The following NCAM2 variants were observed in gnomAD, a reference collection of about 807,000 sequenced individuals.
NCAM2 encodes the protein neural cell adhesion molecule 2.
A neutral mutation model predicts 98.1 loss-of-function variants in NCAM2; 30 were observed. That is an observed-to-expected ratio of 0.31 (90% CI 0.23 to 0.41). The LOEUF is 0.41. Among genes scored for constraint, NCAM2 ranks in the 10% least tolerant of loss-of-function variants. NCAM2 has a pLI of 1.00. For synonymous variants in NCAM2, 368 were observed against 342.4 expected (o/e 1.07, Z -0.83); for missense variants, 867 against 1,005.8 (o/e 0.86, Z 1.87).
Position 21,203,881 on chromosome 21 carries a change from A to G in NCAM2, c.56-76697A>G, listed in dbSNP as rs569559510. On this transcript the variant is annotated intron_variant, in intron 1 of 17. Transcript: ENST00000400546. ...TATTTATAACTTAAGTTTATTAAGT[A>G]TTCATTTTACATGAGTTCTTCCTTT... Among the ~76,000 whole-genome samples the G allele has an allele frequency of 4.2e-4, 64 of 152,306 alleles. No homozygotes were observed. In the South Asian group the frequency reaches 0.013, roughly 32 times the overall value.
In NCAM2 at chr21:21,343,358, T is replaced by TACACACACACACAC. The variant is rs71195322; in HGVS notation, c.1044+4848_1044+4861dup. 8.2e-3 allele frequency among the ~76,000 whole-genome samples: 988 copies of TACACACACACACAC among 120,802 alleles called. 11 individuals carry two copies. Among genetic ancestry groups the TACACACACACACAC allele is most frequent in the African/African-American group, 0.027 (917 of 33,750 alleles). The allele number at this position is 120,802 out of a possible 152,430, so 79.3% of individuals were successfully genotyped here. A position where few individuals can be genotyped will look rare whatever the true frequency, so the allele number is the denominator to read the frequency against. On this transcript the variant is annotated intron_variant, in intron 8 of 17. Coordinates refer to ENST00000400546, the MANE Select transcript of NCAM2 (RefSeq NM_004540.5). ...CCAAGTTAACAACTATCTATACACA[T>TACACACACACACAC]ACACACACACACACACACACACACA...
intron 15 of NCAM2, among the ~76,000 whole-genome samples, chr21:21,498,127 G>A (rs78410010): frequency 0.049 from 7,513 of 151,962 alleles, 202 homozygotes; most frequent in Non-Finnish European, 0.062. Context: ...CATTATATAC[G>A]TATGTGAAAA....
intron 3 of NCAM2, among the ~76,000 whole-genome samples, chr21:21,285,830 G>A (rs950753284): frequency 2.6e-5 from 4 of 151,918 alleles, no homozygotes; most frequent in East Asian, 3.9e-4. Context: ...ATTACCTGGG[G>A]TAGAGAGATA....
chr21:21,256,852 A>G (rs1479819961), intron 1 of NCAM2, among the ~76,000 whole-genome samples: 5 of 152,224 alleles, frequency 3.3e-5, no homozygotes, highest in African/African-American at 1.2e-4. Context: ...CCAGTTTCAT[A>G]AAATGTTACC....
chr21:21,115,957 TTGTGTGTGTG>T (rs58824475), intron 1 of NCAM2, among the ~76,000 whole-genome samples: 83,402 of 147,164 alleles, frequency 0.57, 24,462 homozygotes, highest in East Asian at 0.82. Flanking sequence ...CTCTGAGATT[TTGTGTGTGTG>T]TGTGTGTGTG....
At chr21:21,404,283 T>G (rs1004296301) in intron 9 of NCAM2, among the ~76,000 whole-genome samples, 1 of 152,162 alleles carries the variant, frequency 6.6e-6, no homozygotes, top group Admixed American at 6.6e-5. Context: ...CAATATGGTT[T>G]GGCTGTGTCC....
At chr21:21,117,167 A>C (rs561103635) in intron 1 of NCAM2, among the ~76,000 whole-genome samples, 2 of 152,320 alleles carry the variant, frequency 1.3e-5, no homozygotes, top group East Asian at 3.9e-4. Context: ...CCCACAACTT[A>C]TTAATCTTAT....
At chr21:21,449,467 G>C (rs1484678808) in intron 12 of NCAM2, among the ~76,000 whole-genome samples, 3 of 151,864 alleles carry the variant, frequency 2.0e-5, no homozygotes, top group Non-Finnish European at 1.5e-5. Flanking sequence ...CTAGAATGTA[G>C]CTTTTAAGTC....
At chr21:21,301,377 TTTTTC>T (rs2073705690) in intron 5 of NCAM2, among the ~76,000 whole-genome samples, 1 of 59,468 alleles carries the variant, frequency 1.7e-5, no homozygotes, top group African/African-American at 5.9e-5. Context: ...GGTCTTTTTT[TTTTTC>T]TATTTTTTTT....
chr21:21,184,870 C>A (rs976154983), intron 1 of NCAM2, among the ~76,000 whole-genome samples: 4 of 152,096 alleles, frequency 2.6e-5, no homozygotes, highest in African/African-American at 7.2e-5. Context: ...CAAATACTGT[C>A]ATTTTAGCAC....
At chr21:21,492,488 G>A (rs1386627724) in intron 15 of NCAM2, among the ~76,000 whole-genome samples, 1 of 151,882 alleles carries the variant, frequency 6.6e-6, no homozygotes, top group East Asian at 1.9e-4. Flanking sequence ...ACCAAGGTAA[G>A]TAAGCACACA....
chr21:21,259,585 G>T (rs1231234027), intron 1 of NCAM2, among the ~76,000 whole-genome samples: 3 of 152,060 alleles, frequency 2.0e-5, no homozygotes, highest in Admixed American at 6.6e-5. Context: ...GCCACCTACT[G>T]AACTGGAGCC....
intron 15 of NCAM2, among the ~76,000 whole-genome samples, chr21:21,494,215 C>A (rs901665144): frequency 4.0e-5 from 6 of 151,804 alleles, no homozygotes; most frequent in African/African-American, 1.4e-4. Flanking sequence ...GAAAATTAAA[C>A]AGTTTGGACT....
chr21:21,486,291 G>A (rs1288503325), intron 15 of NCAM2, among the ~76,000 whole-genome samples: 36 of 109,462 alleles, frequency 3.3e-4, no homozygotes, highest in African/African-American at 1.3e-3. Context: ...GCAACAGAGC[G>A]AGACTCCGTC....
chr21:21,279,559 A>G (rs1001838740), intron 1 of NCAM2, among the ~76,000 whole-genome samples: 3 of 151,962 alleles, frequency 2.0e-5, no homozygotes, highest in Non-Finnish European at 4.4e-5. Flanking sequence ...GGGTTTCACC[A>G]TGTTTGCCAG....
chr21:21,426,204 AC>A (rs1291000578), intron 11 of NCAM2, among the ~76,000 whole-genome samples: 1 of 152,130 alleles, frequency 6.6e-6, no homozygotes, highest in Admixed American at 6.6e-5. Flanking sequence ...CAGCATTCAA[AC>A]CACAGCATGA....
intron 16 of NCAM2, among the ~76,000 whole-genome samples, chr21:21,518,869 GA>G (rs1988856743): frequency 6.6e-6 from 1 of 152,072 alleles, no homozygotes; most frequent in African/African-American, 2.4e-5. Context: ...AACTAAAAAT[GA>G]AATGTCCAGT....
intron 15 of NCAM2, among the ~76,000 whole-genome samples, chr21:21,498,359 T>G (rs1987393005): frequency 6.6e-6 from 1 of 152,184 alleles, no homozygotes; most frequent in Non-Finnish European, 1.5e-5. Flanking sequence ...TTTCTCTTCA[T>G]AGATAACAAT....
intron 15 of NCAM2, among the ~76,000 whole-genome samples, chr21:21,503,499 C>A (rs1987769095): frequency 6.6e-6 from 1 of 151,854 alleles, no homozygotes. Context: ...CAAGATATTT[C>A]ATCGCACTAC....
Sources: gnomAD v4.1 joint callset for allele counts (sites outside exome capture counted in the v4.1 genomes callset) on GRCh38, gnomAD v4.1.1 for gene constraint, MANE v1.5 for transcripts, NCBI Gene and HGNC (gene_info 2026-07-23, HGNC 2026-07-21) for gene names.